PTPRN2: variants seen among roughly 807,000 people sequenced by gnomAD.
PTPRN2 encodes protein tyrosine phosphatase receptor type N2.
Under a neutral mutation model 118.8 loss-of-function variants are expected in PTPRN2, and 74 were observed. The observed-to-expected ratio is 0.62, with a 90% CI of 0.52 to 0.76. PTPRN2 has a LOEUF of 0.76. PTPRN2 is among the 30% of genes least tolerant of loss of function. The pLI is 0.00. For synonymous variants in PTPRN2, 641 were observed against 608.0 expected (o/e 1.05, Z -0.80); for missense variants, 1,481 against 1,394.4 (o/e 1.06, Z -0.99).
chr7:157,731,647 TTC>T (rs372445364), intron 12 of PTPRN2, among the ~76,000 whole-genome samples: 233 of 18,940 alleles, frequency 0.012, 6 homozygotes, highest in Middle Eastern at 0.062. Context: ...CAGTTACCCT[TTC>T]CCGTCCCACG....
At chr7:158,149,564 G>A (rs994285916) in intron 6 of PTPRN2, among the ~76,000 whole-genome samples, 1 of 152,112 alleles carries the variant, frequency 6.6e-6, no homozygotes, top group Non-Finnish European at 1.5e-5. Context: ...AGCACTTTGG[G>A]GTCCGAGGTG....
At position 157,801,300 on chromosome 7, in the gene PTPRN2, A is replaced by G. The variant is rs1170589679; in HGVS notation, c.1788+97373T>C. ...CGAGATCAGTCTCTCGACCCCTGTT[A>G]GGAGCAACGGCGGTGAGGCAGGATG... On this transcript the variant is annotated intron_variant, in intron 12 of 22. Transcript: ENST00000389418. The surrounding 1 kb of genome is among the most constrained non-coding windows in gnomAD (Gnocchi z 4.2). Among the ~76,000 whole-genome samples the G allele has an allele frequency of 6.6e-6, 1 of 152,138 alleles. No homozygotes were observed. The highest frequency in any genetic ancestry group is 6.5e-5 in the Admixed American group (1 of 15,272).
intron 11 of PTPRN2, among the ~76,000 whole-genome samples, chr7:158,058,863 A>G (rs1411018305): frequency 8.6e-6 from 1 of 115,800 alleles, no homozygotes; most frequent in Admixed American, 8.0e-5. Context: ...CTGCAGCCAC[A>G]CTCCATCTGC....
intron 11 of PTPRN2, among the ~76,000 whole-genome samples, chr7:157,981,921 G>C (rs997073413): frequency 3.3e-5 from 5 of 152,266 alleles, no homozygotes; most frequent in Non-Finnish European, 7.3e-5. Flanking sequence ...TAGAATGTGG[G>C]GTCCCCCCAA....
rs145400164 is a variant in PTPRN2, at chr7:158,013,091, C to T, written c.1723+68207G>A. Reference sequence around the variant, plus strand: ...ATATATGACTCGTAAGGCCAGTGAACACCTGTAAGAATCTGAAGGAAAATC... The same window carrying T: ...ATATATGACTCGTAAGGCCAGTGAATACCTGTAAGAATCTGAAGGAAAATC... On this transcript the variant is annotated intron_variant, in intron 11 of 22. Transcript: ENST00000389418. Among the ~76,000 whole-genome samples, 9 of 152,286 alleles carry T rather than the reference C, an allele frequency of 5.9e-5. No individual in the cohort carries two copies. In the East Asian group the frequency reaches 1.7e-3, roughly 29 times the overall value.
chr7:157,702,885 A>G (rs1798147869), intron 12 of PTPRN2, among the ~76,000 whole-genome samples: 1 of 152,176 alleles, frequency 6.6e-6, no homozygotes, highest in Non-Finnish European at 1.5e-5. Flanking sequence ...TGTCTCCAGG[A>G]AACACTAGGG....
intron 12 of PTPRN2, among the ~76,000 whole-genome samples, chr7:157,726,415 A>G (rs1001797067): frequency 6.6e-6 from 1 of 152,088 alleles, no homozygotes; most frequent in Non-Finnish European, 1.5e-5. Context: ...GCCTCCCAGG[A>G]AAACTGGATA....
intron 13 of PTPRN2, among the ~76,000 whole-genome samples, chr7:157,664,453 T>C (rs1012419507): frequency 6.6e-6 from 1 of 152,232 alleles, no homozygotes; most frequent in African/African-American, 2.4e-5. Context: ...CTAAGTACCA[T>C]TCTGTGTGGT....
intron 12 of PTPRN2, among the ~76,000 whole-genome samples, chr7:157,722,329 A>G (rs1316157622): frequency 6.6e-6 from 1 of 152,144 alleles, no homozygotes; most frequent in Non-Finnish European, 1.5e-5. Flanking sequence ...CAGGGAGGGG[A>G]GGCCTGACAG....
intron 12 of PTPRN2, among the ~76,000 whole-genome samples, chr7:157,755,679 A>G (rs889928289): frequency 6.6e-6 from 1 of 152,134 alleles, no homozygotes; most frequent in Non-Finnish European, 1.5e-5. Context: ...AGCACTGGGT[A>G]CCCATGGACA....
chr7:158,528,662 C>T lies in PTPRN2; in HGVS notation c.113-38877G>A, dbSNP rs568321064. 2.3e-3 allele frequency among the ~76,000 whole-genome samples: 342 copies of T among 151,602 alleles called. 4 individuals are homozygous for T. Among genetic ancestry groups the T allele is most frequent in the Non-Finnish European group, 4.7e-4 (32 of 67,860 alleles). ...AAAAAAAATTAGCCAGGTGTGGTGG[C>T]GGGTGCCTGTACTTCCAGCTACTCG... On this transcript the variant is annotated intron_variant, in intron 1 of 22. Coordinates refer to ENST00000389418, the MANE Select transcript of PTPRN2 (RefSeq NM_002847.5).
intron 3 of PTPRN2, among the ~76,000 whole-genome samples, chr7:158,275,247 G>A (rs1056900985): frequency 2.6e-5 from 4 of 152,116 alleles, no homozygotes; most frequent in Non-Finnish European, 5.9e-5. Flanking sequence ...CTCCCTGGAC[G>A]TTGGCCCAGG....
At chr7:157,937,915 A>G (rs1219577432) in intron 11 of PTPRN2, among the ~76,000 whole-genome samples, 1 of 145,964 alleles carries the variant, frequency 6.9e-6, no homozygotes, top group Non-Finnish European at 1.5e-5. Flanking sequence ...CTTCGTGACT[A>G]TGTGACATGT....
At chr7:157,825,267 G>A (rs1418285034) in intron 12 of PTPRN2, among the ~76,000 whole-genome samples, 2 of 152,058 alleles carry the variant, frequency 1.3e-5, no homozygotes, top group East Asian at 1.9e-4. Flanking sequence ...CCCCCTTCCT[G>A]CTGGCTGAAA....
intron 1 of PTPRN2, among the ~76,000 whole-genome samples, chr7:158,586,775 A>G (rs117161313): frequency 0.22 from 33,543 of 152,096 alleles, 4,116 homozygotes; most frequent in South Asian, 0.42. Flanking sequence ...CGGGGGACGC[A>G]GGTAGAAGCG....
chr7:157,987,852 C>T lies in PTPRN2; in HGVS notation c.1724-89115G>A, dbSNP rs1337254108. 6.6e-6 allele frequency among the ~76,000 whole-genome samples: 1 copy of T among 152,122 alleles called. No homozygotes were observed. The highest frequency in any genetic ancestry group is 6.6e-5 in the Admixed American group (1 of 15,264). ...AGTGGGGTGGCCCCATCACTTCTGACACCTCCATCACTGATGCCCCCAGCT... is the reference window on the plus strand; with the variant it reads ...AGTGGGGTGGCCCCATCACTTCTGATACCTCCATCACTGATGCCCCCAGCT... On this transcript the variant is annotated intron_variant, in intron 11 of 22. Transcript: ENST00000389418. This position sits in a 1 kb window ranked among gnomAD's most constrained non-coding sequence, Gnocchi z 4.3.
At chr7:158,497,869 C>T (rs1285546727) in intron 1 of PTPRN2, among the ~76,000 whole-genome samples, 2 of 152,254 alleles carry the variant, frequency 1.3e-5, no homozygotes, top group South Asian at 2.1e-4. Context: ...GGGCCTGAGG[C>T]TCACACTCCT....
rs534878933 is a variant in PTPRN2, at chr7:158,273,880, G to A, written c.277+42939C>T. On this transcript the variant is annotated intron_variant, in intron 3 of 22. Coordinates refer to ENST00000389418, the MANE Select transcript of PTPRN2 (RefSeq NM_002847.5). Reference sequence around the variant, plus strand: ...CACAGGAGGAGACACACGAGGAGCCGCAGACGCAGGAGGAGCCGCAGACAG... The same window carrying A: ...CACAGGAGGAGACACACGAGGAGCCACAGACGCAGGAGGAGCCGCAGACAG... 1.1e-4 allele frequency among the ~76,000 whole-genome samples: 16 copies of A among 139,264 alleles called. No homozygotes were observed. The South Asian group carries it at 1.6e-3, about 14-fold the overall frequency. 91.4% of individuals were successfully genotyped at this position (139,264 alleles called of 152,430 possible).
At chr7:158,242,950 CT>C (rs749488658) in intron 3 of PTPRN2, among the ~76,000 whole-genome samples, 2 of 152,160 alleles carry the variant, frequency 1.3e-5, no homozygotes, top group African/African-American at 2.4e-5. Context: ...CATTTTGTGT[CT>C]TTTCAACAAA....
Sources: gnomAD v4.1 joint callset for allele counts (sites outside exome capture counted in the v4.1 genomes callset) on GRCh38, gnomAD v4.1.1 for gene constraint, Gnocchi (gnomAD v3.1) non-coding constraint, MANE v1.5 for transcripts, NCBI Gene and HGNC (gene_info 2026-07-23, HGNC 2026-07-21) for gene names.